The following CDK5RAP2 variants were observed in gnomAD, a reference collection of about 807,000 sequenced individuals.
The protein encoded by CDK5RAP2 is CDK5 regulatory subunit-associated protein 2.
CDK5RAP2 carries 147 observed loss-of-function variants against 232.9 expected under a neutral mutation model. The observed-to-expected ratio is 0.63, with a 90% confidence interval of 0.55 to 0.72. The LOEUF is 0.72. Among genes scored for constraint, CDK5RAP2 ranks in the 30% least tolerant of loss-of-function variants. CDK5RAP2 has a pLI of 0.00. For synonymous variants in CDK5RAP2, 833 were observed against 833.7 expected (o/e 1.00, Z 0.01); for missense variants, 2,195 against 2,231.5 (o/e 0.98, Z 0.33).
At chr9:120,441,650 G>A (rs1233089085) in intron 23 of CDK5RAP2, among the ~76,000 whole-genome samples, 1 of 152,180 alleles carries the variant, frequency 6.6e-6, no homozygotes, top group Non-Finnish European at 1.5e-5. Context: ...CAGACTGCAT[G>A]TCCCAATTTC....
intron 22 of CDK5RAP2, among the ~76,000 whole-genome samples, chr9:120,447,176 A>G (rs1188091732): frequency 6.6e-6 from 1 of 152,214 alleles, no homozygotes. Context: ...GAGTCAACAT[A>G]TGCACTTTTG....
chr9:120,429,412 C>G (rs1193170851), intron 25 of CDK5RAP2, among the ~76,000 whole-genome samples: 3 of 152,134 alleles, frequency 2.0e-5, no homozygotes, highest in African/African-American at 7.2e-5. Flanking sequence ...TCAGCAAAGT[C>G]TCAGGATACA....
intron 12 of CDK5RAP2, among the ~76,000 whole-genome samples, chr9:120,505,123 T>G (rs759039587): frequency 1.2e-4 from 18 of 152,212 alleles, no homozygotes; most frequent in Non-Finnish European, 2.4e-4. Flanking sequence ...TTTTACAAAT[T>G]CAAGGTCTGC....
intron 12 of CDK5RAP2, among the ~76,000 whole-genome samples, chr9:120,512,693 GATAGAGTCC>G (rs2040150986): frequency 1.3e-5 from 2 of 152,218 alleles, no homozygotes; most frequent in Admixed American, 6.5e-5. Flanking sequence ...CCTGAAATTA[GATAGAGTCC>G]ATAGACCTGA....
rs71385064 is a variant in CDK5RAP2, at chr9:120,497,421, T to TAAAAAAAAAAAAAAAAAAAAA, written c.1312-5965_1312-5945dup. 2.2e-3 allele frequency among the ~76,000 whole-genome samples: 52 copies of TAAAAAAAAAAAAAAAAAAAAA among 23,300 alleles called. 2 individuals are homozygous for TAAAAAAAAAAAAAAAAAAAAA. Among genetic ancestry groups the TAAAAAAAAAAAAAAAAAAAAA allele is most frequent in the Middle Eastern group, 0.031 (1 of 32 alleles). 15.3% of individuals were successfully genotyped at this position (23,300 alleles called of 152,430 possible). ...AGAATTATCAATAAAAAAATAAATTTAAAAAAAAAAAAAAAAAAAAAAAAA... is the reference window on the plus strand; with the variant it reads ...AGAATTATCAATAAAAAAATAAATTTAAAAAAAAAAAAAAAAAAAAAAAAAAAAAAAAAAAAAAAAAAAAAA... On this transcript the variant is annotated intron_variant, in intron 12 of 37. Transcript: ENST00000349780.
intron 28 of CDK5RAP2, among the ~76,000 whole-genome samples, chr9:120,412,963 G>C (rs1405340823): frequency 1.3e-5 from 2 of 152,182 alleles, no homozygotes; most frequent in Non-Finnish European, 2.9e-5. Flanking sequence ...TTTGAACCAT[G>C]GCTCTGGCTT....
chr9:120,407,986 T>C, intron 31 of CDK5RAP2: 1 of 324,004 alleles, frequency 3.1e-6, no homozygotes, highest in Non-Finnish European at 6.0e-6. Flanking sequence ...ATGCTTTTAA[T>C]AAATGGTCTC....
intron 3 of CDK5RAP2, among the ~76,000 whole-genome samples, chr9:120,558,958 G>C (rs1471491146): frequency 6.6e-6 from 1 of 152,100 alleles, no homozygotes; most frequent in Non-Finnish European, 1.5e-5. Flanking sequence ...GTTTTAACAA[G>C]TATCTAGAAC....
intron 7 of CDK5RAP2, among the ~76,000 whole-genome samples, chr9:120,534,326 T>C (rs1425305843): frequency 6.6e-6 from 1 of 152,178 alleles, no homozygotes; most frequent in Non-Finnish European, 1.5e-5. Context: ...CTTTCCTTTC[T>C]CTGTCCAAGT....
Position 120,403,371 on chromosome 9 carries a change from T to C in CDK5RAP2, c.5042-300A>G. On this transcript the variant is annotated intron_variant, in intron 33 of 37. Coordinates refer to ENST00000349780, the MANE Select transcript of CDK5RAP2 (RefSeq NM_018249.6). This position sits in a 1 kb window ranked among gnomAD's most constrained non-coding sequence, Gnocchi z 4.2. ...ACTCAAGCTGGTGCCTGCATTCCAG[T>C]AGCCCACAGTCTGATCAGAACACAG... 2 of 429,108 alleles carry C rather than the reference T, an allele frequency of 4.7e-6. No homozygotes were observed. Among genetic ancestry groups the C allele is most frequent in the Non-Finnish European group, 8.7e-6 (2 of 230,856 alleles). 26.6% of individuals were successfully genotyped at this position (429,108 alleles called of 1,614,324 possible). A position where few individuals can be genotyped will look rare whatever the true frequency, so the allele number is the denominator to read the frequency against.
In CDK5RAP2 at chr9:120,473,413, T is replaced by C. The variant is rs145606619; in HGVS notation, c.1728-1535A>G. Among the ~76,000 whole-genome samples, 121 of 152,342 alleles carry C rather than the reference T, an allele frequency of 7.9e-4. 1 individual carries two copies. The highest frequency in any genetic ancestry group is 2.5e-3 in the African/African-American group (104 of 41,576). On this transcript the variant is annotated intron_variant, in intron 15 of 37. Transcript: ENST00000349780. Reference sequence around the variant, plus strand: ...CATCAGATTTTTCAAAAGGGATCAATAGCCCCCGAATGGTTAGAGGCAATT... The same window carrying C: ...CATCAGATTTTTCAAAAGGGATCAACAGCCCCCGAATGGTTAGAGGCAATT...
chr9:120,530,538 A>G (rs868335509), intron 7 of CDK5RAP2, among the ~76,000 whole-genome samples: 1 of 152,204 alleles, frequency 6.6e-6, no homozygotes, highest in Non-Finnish European at 1.5e-5. Flanking sequence ...GTGTGGAAAA[A>G]ACGGAATGTC....
At chr9:120,444,608 G>C (rs1392979088) in intron 22 of CDK5RAP2, among the ~76,000 whole-genome samples, 1 of 152,152 alleles carries the variant, frequency 6.6e-6, no homozygotes, top group Non-Finnish European at 1.5e-5. Flanking sequence ...TTCTGCCAAA[G>C]GTCTTCTTAT....
intron 25 of CDK5RAP2, among the ~76,000 whole-genome samples, chr9:120,427,466 C>G (rs937702127): frequency 6.6e-6 from 1 of 152,094 alleles, no homozygotes; most frequent in Non-Finnish European, 1.5e-5. Context: ...GATAAATGAC[C>G]CACAAAGCTG....
chr9:120,542,782 T>C (rs1030700005), intron 5 of CDK5RAP2, among the ~76,000 whole-genome samples: 11 of 152,184 alleles, frequency 7.2e-5, no homozygotes, highest in South Asian at 2.1e-4. Context: ...AGAACAATGA[T>C]GGAATGTAAA....
chr9:120,409,222 T>C lies in CDK5RAP2; in HGVS notation c.4509A>G (p.Glu1503=), dbSNP rs2033690668. The C allele has an allele frequency of 6.2e-7, 1 of 1,614,050 alleles. No homozygotes were observed. The highest frequency in any genetic ancestry group is 8.5e-7 in the Non-Finnish European group (1 of 1,180,028). The change falls in exon 30 of 38, where the codon GAA becomes GAG. Residue 1503 remains glutamate (E), a synonymous_variant. Coordinates refer to ENST00000349780, the MANE Select transcript of CDK5RAP2 (RefSeq NM_018249.6). ...HLQREYASVK[E]ENERLQKEGS... is the part of the protein sequence containing the mutation. Reference sequence around the variant, plus strand: ...CTTCTTTCTGCAGCCTTTCATTTTCTTCCTTCACGCTGGCATACTCCCGCT... The same window carrying C: ...CTTCTTTCTGCAGCCTTTCATTTTCCTCCTTCACGCTGGCATACTCCCGCT...
intron 18 of CDK5RAP2, 93 bp from the exon 19 acceptor site, chr9:120,460,760 A>G (rs1361232935): frequency 6.5e-7 from 1 of 1,538,390 alleles, no homozygotes; most frequent in Non-Finnish European, 8.8e-7. Flanking sequence ...TTTTTTTTTT[A>G]ATGCAAAACA....
chr9:120,434,240 A>C (rs1326350925), intron 25 of CDK5RAP2, among the ~76,000 whole-genome samples: 2 of 152,182 alleles, frequency 1.3e-5, no homozygotes, highest in African/African-American at 4.8e-5. Flanking sequence ...GGGATCAGGG[A>C]CACCAGACAG....
At chr9:120,474,789 C>T (rs1157080512) in intron 15 of CDK5RAP2, among the ~76,000 whole-genome samples, 1 of 152,214 alleles carries the variant, frequency 6.6e-6, no homozygotes, top group African/African-American at 2.4e-5. Flanking sequence ...CTTGACTTCC[C>T]TTTCCAGTTT....
Sources: allele counts gnomAD v4.1 joint callset (sites outside exome capture counted in the v4.1 genomes callset), GRCh38; gene constraint gnomAD v4.1.1; non-coding constraint Gnocchi (gnomAD v3.1); transcripts MANE v1.5; gene names NCBI Gene and HGNC (gene_info 2026-07-23, HGNC 2026-07-21).